AUTS2: variants seen among roughly 807,000 people sequenced by gnomAD.
AUTS2 encodes activator of transcription and developmental regulator AUTS2.
Under a neutral mutation model 112.4 loss-of-function variants are expected in AUTS2, and 17 were observed. That is an observed-to-expected ratio of 0.15 (90% CI 0.10 to 0.23). AUTS2 has a LOEUF of 0.23. Ranked by LOEUF, AUTS2 falls within the 10% of genes least tolerant of loss-of-function variation. AUTS2 has a pLI of 1.00. For synonymous variants in AUTS2, 751 were observed against 702.7 expected (o/e 1.07, Z -1.09); for missense variants, 1,510 against 1,701.6 (o/e 0.89, Z 1.98).
At chr7:69,633,229 T>C (rs923275974) in intron 1 of AUTS2, among the ~76,000 whole-genome samples, 4 of 152,140 alleles carry the variant, frequency 2.6e-5, no homozygotes, top group Admixed American at 2.6e-4. Context: ...TAGTACAGTG[T>C]CCTTCAGGCT....
At chr7:70,731,580 C>A (rs1201153546) in intron 6 of AUTS2, among the ~76,000 whole-genome samples, 1 of 151,762 alleles carries the variant, frequency 6.6e-6, no homozygotes, top group Non-Finnish European at 1.5e-5. Context: ...CAGGTGCCCG[C>A]CACCATGCCC....
chr7:70,530,451 A>G (rs1346237067), intron 5 of AUTS2, among the ~76,000 whole-genome samples: 1 of 152,138 alleles, frequency 6.6e-6, no homozygotes, highest in Non-Finnish European at 1.5e-5. Context: ...TGGTTGGACA[A>G]TCATGGTAGT....
chr7:70,137,261 A>C (rs1329471209), intron 4 of AUTS2, among the ~76,000 whole-genome samples: 1 of 152,220 alleles, frequency 6.6e-6, no homozygotes, highest in Admixed American at 6.5e-5. Context: ...GGATTGGAAC[A>C]AACTTTCTAC....
At chr7:70,750,586 G>A (rs1788754404) in intron 6 of AUTS2, among the ~76,000 whole-genome samples, 1 of 150,050 alleles carries the variant, frequency 6.7e-6, no homozygotes. Context: ...TTTTTTTGTA[G>A]AGACAGGGTT....
chr7:69,913,472 A>T (rs1325831162), intron 2 of AUTS2, among the ~76,000 whole-genome samples: 1 of 152,168 alleles, frequency 6.6e-6, no homozygotes, highest in Non-Finnish European at 1.5e-5. Context: ...AGTTGGAGGT[A>T]TACATTTTCT....
rs977710449 is a variant in AUTS2 at position 70,261,979 on chromosome 7, G to A, written c.660+127408G>A. Among the ~76,000 whole-genome samples, 10 of 152,112 alleles carry A rather than the reference G, an allele frequency of 6.6e-5. No individual in the cohort carries two copies. The South Asian group carries it at 1.2e-3, about 19-fold the overall frequency. On this transcript the variant is annotated intron_variant, in intron 4 of 18. Coordinates refer to ENST00000342771, the MANE Select transcript of AUTS2 (RefSeq NM_015570.4). ...CTAAAAGACAAAATTTGATTTTCAT[G>A]CTATTAATTTCGTACTAAAAAGAGC...
At chr7:70,484,258 T>C (rs1218803715) in intron 5 of AUTS2, among the ~76,000 whole-genome samples, 1 of 152,222 alleles carries the variant, frequency 6.6e-6, no homozygotes, top group African/African-American at 2.4e-5. Context: ...GCTCATAAAT[T>C]TGTATTTTAC....
chr7:70,450,307 T>C (rs1796478796), intron 5 of AUTS2, among the ~76,000 whole-genome samples: 1 of 152,154 alleles, frequency 6.6e-6, no homozygotes, highest in Non-Finnish European at 1.5e-5. Flanking sequence ...GCGTATGCTG[T>C]TTCTGAGGAA....
Position 70,043,571 on chromosome 7 carries a change from TCC to T in AUTS2, c.523-74560_523-74559del, listed in dbSNP as rs1563060658. ...TCCCTTCCTTCCTTCCTTCCTTCCT[TCC>T]TTCCTTCCTTCCTTCCTTCCTTCCT... On this transcript the variant is annotated intron_variant, in intron 2 of 18. Transcript: ENST00000342771. Among the ~76,000 whole-genome samples, 4 of 107,170 alleles carry T rather than the reference TCC, an allele frequency of 3.7e-5. No individual in the cohort carries two copies. In the East Asian group the frequency reaches 1.1e-3, roughly 29 times the overall value. 70.3% of individuals were successfully genotyped at this position (107,170 alleles called of 152,430 possible). A position where few individuals can be genotyped will look rare whatever the true frequency, so the allele number is the denominator to read the frequency against.
chr7:70,788,043 C>A (rs1244823072), intron 18 of AUTS2, among the ~76,000 whole-genome samples: 1 of 151,748 alleles, frequency 6.6e-6, no homozygotes, highest in African/African-American at 2.4e-5. Flanking sequence ...CTTGGTAACC[C>A]ATGCCTAAAA....
intron 2 of AUTS2, among the ~76,000 whole-genome samples, chr7:70,043,208 G>C (rs961270574): frequency 4.6e-5 from 7 of 152,210 alleles, no homozygotes; most frequent in Middle Eastern, 3.4e-3. Flanking sequence ...CCATAGCCAA[G>C]CTCGCCTCTT....
chr7:69,891,772 A>ATTTTT (rs1794531009), intron 1 of AUTS2, among the ~76,000 whole-genome samples: 1 of 41,026 alleles, frequency 2.4e-5, no homozygotes, highest in Non-Finnish European at 5.3e-5. Context: ...CCAGACAGAT[A>ATTTTT]TCTTTTTTTT....
chr7:70,452,656 A>G (rs962842204), intron 5 of AUTS2, among the ~76,000 whole-genome samples: 19 of 152,086 alleles, frequency 1.2e-4, no homozygotes, highest in African/African-American at 4.1e-4. Context: ...GATCCAAAAC[A>G]TAAGTGTCTT....
intron 2 of AUTS2, among the ~76,000 whole-genome samples, chr7:70,010,238 T>C (rs937626467): frequency 6.6e-6 from 1 of 152,152 alleles, no homozygotes; most frequent in Non-Finnish European, 1.5e-5. Context: ...CCTGACCTCC[T>C]GGGCTCAAGT....
intron 4 of AUTS2, among the ~76,000 whole-genome samples, chr7:70,248,684 T>C (rs969162412): frequency 9.2e-5 from 14 of 152,202 alleles, no homozygotes; most frequent in Admixed American, 9.2e-4. Context: ...TTACTTCATT[T>C]TTTTCTTCTG....
intron 5 of AUTS2, among the ~76,000 whole-genome samples, chr7:70,682,244 A>G (rs530016071): frequency 6.6e-6 from 1 of 152,358 alleles, no homozygotes; most frequent in South Asian, 2.1e-4. Context: ...ATTCAGTTTC[A>G]GGTTCCTTTG....
At chr7:69,879,079 A>C (rs1793925420) in intron 1 of AUTS2, among the ~76,000 whole-genome samples, 1 of 151,900 alleles carries the variant, frequency 6.6e-6, no homozygotes, top group African/African-American at 2.4e-5. Flanking sequence ...GTGTTCCAGG[A>C]TAAATCTCTG....
Position 70,790,259 on chromosome 7 carries a change from C to A in AUTS2, c.3043C>A (p.His1015Asn). ...GCCTCCCAACTCCTCGTCCAGCGTG[C>A]ACCCGGGGCCCCTGGCCTCGATGCC... ...PPPPNSSSSV[H>N]PGPLASMPMT... The change falls in exon 19 of 19, where the codon CAC (histidine) becomes AAC (asparagine). Residue 1015 changes from histidine to asparagine, a missense_variant. Physicochemically the swap from His to Asn is moderately conservative, Grantham distance 68 (BLOSUM62 1). Coordinates refer to ENST00000342771, the MANE Select transcript of AUTS2 (RefSeq NM_015570.4). The surrounding 1 kb of genome is among the most constrained non-coding windows in gnomAD (Gnocchi z 7.6). 1 of 1,613,024 alleles carries A rather than the reference C, an allele frequency of 6.2e-7. No individual in the cohort carries two copies. Among genetic ancestry groups the A allele is most frequent in the East Asian group, 2.2e-5 (1 of 44,832 alleles).
chr7:70,338,388 T>G (rs1332024307), intron 4 of AUTS2, among the ~76,000 whole-genome samples: 1 of 152,216 alleles, frequency 6.6e-6, no homozygotes, highest in East Asian at 1.9e-4. Context: ...CAGTTGATGT[T>G]TAGAAACAGC....
Sources: gnomAD v4.1 joint callset for allele counts (sites outside exome capture counted in the v4.1 genomes callset) on GRCh38, gnomAD v4.1.1 for gene constraint, Gnocchi (gnomAD v3.1) non-coding constraint, MANE v1.5 for transcripts, NCBI Gene and HGNC (gene_info 2026-07-23, HGNC 2026-07-21) for gene names.